The following SLC22A25 variants were observed in gnomAD, a reference collection of about 807,000 sequenced individuals.
SLC22A25 encodes MGI:2442751, MGI:2385316, MGI:3042283, MGI:3645714, MGI:3605624, MGI:2442750.
In SLC22A25, 44 loss-of-function variants were observed where a neutral mutation model predicts 45.9. That is an observed-to-expected ratio of 0.96 (90% CI 0.75 to 1.23). SLC22A25 has a LOEUF of 1.23. Among genes scored for constraint, SLC22A25 ranks in the 50% most tolerant of loss-of-function variants. The pLI is 0.00. For missense variants in SLC22A25, 800 were observed against 666.4 expected (o/e 1.20, Z -2.21); for synonymous variants, 283 against 238.6 (o/e 1.19, Z -1.72).
At position 63,166,095 on chromosome 11, in the gene SLC22A25, G is replaced by A. The variant is rs2087671591; in HGVS notation, c.1234C>T (p.Leu412Phe). ...HMSRRLSQML[L>F]MFLLATCLLA... is the part of the protein sequence containing the mutation. ...AGGCAGGTTGCCAGTAGGAACATGA[G>A]AAGCATCTGGCTTAGTCGACGGCTC... The change falls in exon 10 of 12, where the codon CTC becomes TTC. Residue 412 changes from leucine (L) to phenylalanine (F), a missense_variant. By Grantham distance (22) the Leu-to-Phe change is conservative. Transcript: ENST00000306494. 2 of 1,614,018 alleles carry A rather than the reference G, an allele frequency of 1.2e-6. No individual in the cohort carries two copies. Among genetic ancestry groups the A allele is most frequent in the Non-Finnish European group, 1.7e-6 (2 of 1,179,940 alleles).
chr11:63,171,123 T>TA (rs1471905092), intron 9 of SLC22A25, among the ~76,000 whole-genome samples: 3 of 151,950 alleles, frequency 2.0e-5, no homozygotes, highest in African/African-American at 7.2e-5. Flanking sequence ...CCCTTCATGG[T>TA]AAACTACTCA....
chr11:63,183,876 A>T, intron 7 of SLC22A25, 59 bp from the exon 8 acceptor site: 1 of 1,605,782 alleles, frequency 6.2e-7, no homozygotes, highest in Non-Finnish European at 8.5e-7. Context: ...TTTTCACATA[A>T]CATTTATCCT....
intron 7 of SLC22A25, among the ~76,000 whole-genome samples, chr11:63,187,922 T>C (rs144984365): frequency 0.046 from 6,943 of 152,324 alleles, 204 homozygotes; most frequent in Non-Finnish European, 0.07. Flanking sequence ...ATAAGCTTTT[T>C]GATGTGTTGC....
At position 63,164,409 on chromosome 11, in the gene SLC22A25, CT is replaced by C. The variant is rs577734751; in HGVS notation, c.1394+116del. The C allele has an allele frequency of 7.6e-6, 7 of 919,362 alleles. No homozygotes were observed. The African/African-American group carries it at 9.9e-5, about 13-fold the overall frequency. The allele number at this position is 919,362 out of a possible 1,614,324, so 57.0% of individuals were successfully genotyped here. ...GGGCTGTAATTTGTTGTTTTTATGA[CT>C]ATTACATTTGATTGTTTTTTAACTA... is the stretch of plus-strand genomic sequence containing the variant. On this transcript the variant is annotated intron_variant, in intron 11 of 11. Transcript: ENST00000306494.
intron 5 of SLC22A25, chr11:63,218,170 A>G: frequency 2.4e-6 from 1 of 424,434 alleles, no homozygotes; most frequent in Non-Finnish European, 4.6e-6. Context: ...GTAGCCACAA[A>G]AAAGAATGAA....
chr11:63,232,272 A>G (rs1311354717), intron 3 of SLC22A25, among the ~76,000 whole-genome samples: 2 of 152,140 alleles, frequency 1.3e-5, no homozygotes, highest in African/African-American at 2.4e-5. Context: ...TGAGCATGGA[A>G]TGTTCTTCCA....
rs544024637 is a variant in SLC22A25 at position 63,158,778 on chromosome 11, T to C, written c.*5046A>G. On this transcript the variant is annotated 3_prime_UTR_variant, in exon 12 of 12. Coordinates refer to ENST00000306494, the MANE Select transcript of SLC22A25 (RefSeq NM_199352.6). ...CAATCCAATTATACTTTTTTAGTTA[T>C]TTAAAAATGAATTAAGTTATTATTG... 6.6e-6 allele frequency among the ~76,000 whole-genome samples: 1 copy of C among 152,358 alleles called. No homozygotes were observed. Among genetic ancestry groups the C allele is most frequent in the East Asian group, 1.9e-4 (1 of 5,192 alleles).
intron 8 of SLC22A25, among the ~76,000 whole-genome samples, chr11:63,181,697 A>G (rs1374396219): frequency 6.6e-6 from 1 of 152,016 alleles, no homozygotes; most frequent in African/African-American, 2.4e-5. Flanking sequence ...ACACGTTTAG[A>G]AAGAGATTGC....
Position 63,235,705 on chromosome 11 carries a change from A to AG in SLC22A25, c.-445+2175dup, listed in dbSNP as rs567652787. 4.3e-4 allele frequency among the ~76,000 whole-genome samples: 66 copies of AG among 152,232 alleles called. 3 individuals are homozygous for AG. Among genetic ancestry groups the AG allele is most frequent in the East Asian group, 2.1e-3 (11 of 5,180 alleles). ...CTGGTGAGGAGCTGCGTTCCTTTAG[A>AG]GAGGAGAGGTGCTCTGATTTTTAGA... On this transcript the variant is annotated intron_variant, in intron 3 of 11. Coordinates refer to ENST00000306494, the MANE Select transcript of SLC22A25 (RefSeq NM_199352.6).
chr11:63,219,674 A>G (rs2089805094), intron 5 of SLC22A25, among the ~76,000 whole-genome samples: 1 of 152,124 alleles, frequency 6.6e-6, no homozygotes, highest in South Asian at 2.1e-4. Flanking sequence ...ATTTCCCCCC[A>G]GGTTTGTGAT....
chr11:63,229,056 T>C (rs1420339668), intron 4 of SLC22A25, among the ~76,000 whole-genome samples, 195 bp downstream of exon 4: 4 of 152,194 alleles, frequency 2.6e-5, no homozygotes, highest in African/African-American at 9.7e-5. Context: ...GATAGCAGGG[T>C]CACATCTACT....
intron 7 of SLC22A25, among the ~76,000 whole-genome samples, chr11:63,194,800 T>A (rs567611935): frequency 1.3e-5 from 2 of 148,564 alleles, no homozygotes; most frequent in East Asian, 4.0e-4. Context: ...CTCATCAGTG[T>A]GTTGTATTCA....
chr11:63,202,325 G>A (rs951855004), intron 7 of SLC22A25, among the ~76,000 whole-genome samples: 14 of 152,006 alleles, frequency 9.2e-5, no homozygotes, highest in African/African-American at 3.4e-4. Context: ...TGTAAAGGGG[G>A]CACTGAAGCC....
chr11:63,192,961 A>G (rs1398149104), intron 7 of SLC22A25, among the ~76,000 whole-genome samples: 2 of 152,222 alleles, frequency 1.3e-5, no homozygotes, highest in Non-Finnish European at 2.9e-5. Context: ...TCAGGAGCTG[A>G]CATCAGCACT....
chr11:63,241,686 A>G (rs2090251249), intron 1 of SLC22A25, among the ~76,000 whole-genome samples: 1 of 152,152 alleles, frequency 6.6e-6, no homozygotes, highest in Non-Finnish European at 1.5e-5. Context: ...GCATTACTTC[A>G]CTAAGTTTTA....
intron 5 of SLC22A25, among the ~76,000 whole-genome samples, chr11:63,224,876 G>C (rs1371205148): frequency 6.6e-6 from 1 of 152,164 alleles, no homozygotes; most frequent in Admixed American, 6.5e-5. Flanking sequence ...GAGGTGGGTG[G>C]AACTTGAGGT....
At chr11:63,197,001 C>T (rs2089061336) in intron 7 of SLC22A25, among the ~76,000 whole-genome samples, 1 of 152,070 alleles carries the variant, frequency 6.6e-6, no homozygotes, top group African/African-American at 2.4e-5. Context: ...AACTCCCATT[C>T]ACAATTACTT....
At chr11:63,224,209 T>G (rs1169136081) in intron 5 of SLC22A25, among the ~76,000 whole-genome samples, 2 of 152,030 alleles carry the variant, frequency 1.3e-5, no homozygotes, top group Non-Finnish European at 2.9e-5. Context: ...TCTTTTTACG[T>G]TTTTTTGTCT....
intron 7 of SLC22A25, among the ~76,000 whole-genome samples, chr11:63,199,049 A>C (rs973918255): frequency 2.0e-5 from 3 of 152,122 alleles, no homozygotes; most frequent in African/African-American, 7.2e-5. Flanking sequence ...GAAATAATCA[A>C]AATTAAAGCT....
Sources: gnomAD v4.1 joint callset for allele counts (sites outside exome capture counted in the v4.1 genomes callset) on GRCh38, gnomAD v4.1.1 for gene constraint, MANE v1.5 for transcripts, NCBI Gene and HGNC (gene_info 2026-07-23, HGNC 2026-07-21) for gene names.